LDLRAD3: variants seen among roughly 807,000 people sequenced by gnomAD.
The protein encoded by LDLRAD3 is low density lipoprotein receptor class A domain containing 3.
A neutral mutation model predicts 29.4 loss-of-function variants in LDLRAD3; 20 were observed. The observed-to-expected ratio is 0.68, with a 90% confidence interval of 0.48 to 0.99. The LOEUF (loss-of-function observed/expected upper bound fraction) is 0.99, where lower values mean the gene tolerates loss of function less well. LDLRAD3 is among the 50% of genes least tolerant of loss of function. The pLI, the probability that LDLRAD3 is intolerant of heterozygous loss-of-function variation, is 0.00. For synonymous variants in LDLRAD3, 157 were observed against 192.7 expected, an observed-to-expected ratio of 0.81 and a Z score of 1.53; for missense variants, 420 against 454.3, an observed-to-expected ratio of 0.92 and a Z score of 0.69.
intron 2 of LDLRAD3, among the ~76,000 whole-genome samples, chr11:36,064,250 A>G (rs1331898802): frequency 6.6e-6 from 1 of 152,152 alleles, no homozygotes; most frequent in Non-Finnish European, 1.5e-5. Flanking sequence ...ATTTTGGTGT[A>G]TCCACCTTGT....
Position 36,216,550 on chromosome 11 carries a change from A to G in LDLRAD3, c.455-10535A>G, listed in dbSNP as rs560530038. ...AAAATAACCCTAGGGGGTGGGTTCT[A>G]TTATCCCATTTTAAAGGTGAGGATT... On this transcript the variant is annotated intron_variant, in intron 4 of 5. Transcript: ENST00000315571. 5.3e-5 allele frequency among the ~76,000 whole-genome samples: 8 copies of G among 152,312 alleles called. No individual in the cohort carries two copies. The East Asian group carries it at 1.5e-3, about 29-fold the overall frequency.
intron 4 of LDLRAD3, among the ~76,000 whole-genome samples, chr11:36,183,718 A>G (rs4756293): frequency 0.28 from 42,553 of 152,064 alleles, 6,032 homozygotes; most frequent in East Asian, 0.34. Flanking sequence ...ATTCTGCACC[A>G]TAATTTGAAT....
chr11:36,122,102 G>A (rs1377424883), intron 4 of LDLRAD3, among the ~76,000 whole-genome samples: 1 of 152,132 alleles, frequency 6.6e-6, no homozygotes, highest in African/African-American at 2.4e-5. Flanking sequence ...TGACCTCAGA[G>A]CCCAAGCTCT....
chr11:36,208,297 CATCTATAA>C lies in LDLRAD3; in HGVS notation c.455-18786_455-18779del, dbSNP rs1465980636. ...TGTGACAAAATACCTGAGACTGAAT[CATCTATAA>C]AGAACAGAAATTTGTTTCACACAGT... is the stretch of plus-strand genomic sequence containing the variant. On this transcript the variant is annotated intron_variant, in intron 4 of 5. Coordinates refer to ENST00000315571, the MANE Select transcript of LDLRAD3 (RefSeq NM_174902.4). Among the ~76,000 whole-genome samples the C allele has an allele frequency of 2.0e-5, 3 of 152,244 alleles. No homozygotes were observed. The South Asian group carries it at 6.2e-4, about 32-fold the overall frequency.
intron 2 of LDLRAD3, among the ~76,000 whole-genome samples, chr11:36,056,144 C>T (rs905245668): frequency 7.2e-5 from 11 of 151,898 alleles, no homozygotes; most frequent in South Asian, 2.1e-4. Flanking sequence ...TACAGTCATG[C>T]GCCACTACGC....
intron 4 of LDLRAD3, among the ~76,000 whole-genome samples, chr11:36,214,391 CT>C (rs1855324677): frequency 6.6e-6 from 1 of 152,170 alleles, no homozygotes; most frequent in South Asian, 2.1e-4. Context: ...TGGCCCCACA[CT>C]TTTGGTCCTG....
chr11:36,032,014 C>A (rs150058382), intron 1 of LDLRAD3, among the ~76,000 whole-genome samples: 59 of 152,312 alleles, frequency 3.9e-4, no homozygotes, highest in African/African-American at 1.4e-3. Flanking sequence ...GAGTGGTCGT[C>A]TTTTCCCTGT....
At chr11:36,170,178 GT>G (rs1854573968) in intron 4 of LDLRAD3, among the ~76,000 whole-genome samples, 1 of 151,494 alleles carries the variant, frequency 6.6e-6, no homozygotes, top group African/African-American at 2.4e-5. Context: ...CTCCATCCAG[GT>G]TGTTGCATAT....
At chr11:35,995,662 G>C (rs1414977659) in intron 1 of LDLRAD3, among the ~76,000 whole-genome samples, 1 of 152,210 alleles carries the variant, frequency 6.6e-6, no homozygotes, top group Non-Finnish European at 1.5e-5. Flanking sequence ...CCAAAAGAAG[G>C]CTGTTCCATC....
chr11:36,087,891 G>A (rs60924517), intron 3 of LDLRAD3, among the ~76,000 whole-genome samples: 5,827 of 151,834 alleles, frequency 0.038, 344 homozygotes, highest in African/African-American at 0.13. Context: ...ATTTTTTGTC[G>A]TATTTTTAGT....
At chr11:36,002,061 G>A (rs564139239) in intron 1 of LDLRAD3, among the ~76,000 whole-genome samples, 8 of 152,240 alleles carry the variant, frequency 5.3e-5, no homozygotes, top group East Asian at 1.9e-4. Context: ...GGGGCTCCTC[G>A]TCTAGGGGGG....
chr11:36,086,919 AGTC>A (rs1422432191), intron 3 of LDLRAD3, among the ~76,000 whole-genome samples: 1 of 152,214 alleles, frequency 6.6e-6, no homozygotes, highest in Non-Finnish European at 1.5e-5. Context: ...ACAAAAAGAC[AGTC>A]GTCTGATGCA....
intron 1 of LDLRAD3, among the ~76,000 whole-genome samples, chr11:35,991,577 C>T (rs929821292): frequency 4.6e-5 from 7 of 152,118 alleles, no homozygotes; most frequent in Non-Finnish European, 1.0e-4. Context: ...TTGTCATGTT[C>T]CTTTTCTCCA....
At chr11:36,165,934 C>G (rs1247423464) in intron 4 of LDLRAD3, among the ~76,000 whole-genome samples, 1 of 145,174 alleles carries the variant, frequency 6.9e-6, no homozygotes. Flanking sequence ...TCTAGGCTGA[C>G]TGGCTTGCTT....
At chr11:36,210,167 T>C (rs1470325584) in intron 4 of LDLRAD3, among the ~76,000 whole-genome samples, 1 of 152,254 alleles carries the variant, frequency 6.6e-6, no homozygotes, top group Non-Finnish European at 1.5e-5. Flanking sequence ...CAGAATCTTC[T>C]GGCACCCTGG....
intron 2 of LDLRAD3, among the ~76,000 whole-genome samples, chr11:36,045,976 C>T (rs570816036): frequency 3.5e-4 from 53 of 152,160 alleles, no homozygotes; most frequent in African/African-American, 1.2e-3. Context: ...TCCCCCACCC[C>T]CAACAGGCCC....
chr11:36,108,006 T>C (rs1280697961), intron 4 of LDLRAD3, among the ~76,000 whole-genome samples: 1 of 152,050 alleles, frequency 6.6e-6, no homozygotes, highest in Admixed American at 6.6e-5. Context: ...TATGGCACAG[T>C]GTTGTTTTTA....
intron 2 of LDLRAD3, among the ~76,000 whole-genome samples, chr11:36,070,332 A>G (rs535154715): frequency 6.6e-6 from 1 of 152,370 alleles, no homozygotes; most frequent in African/African-American, 2.4e-5. Flanking sequence ...TGCTTGAACA[A>G]AAACCGTTTG....
intron 4 of LDLRAD3, among the ~76,000 whole-genome samples, chr11:36,189,248 G>A (rs1854902125): frequency 6.6e-6 from 1 of 152,166 alleles, no homozygotes; most frequent in South Asian, 2.1e-4. Context: ...CACTTTGGGA[G>A]GCTGAGGTGA....
Sources: gnomAD v4.1 joint callset for allele counts (sites outside exome capture counted in the v4.1 genomes callset) on GRCh38, gnomAD v4.1.1 for gene constraint, MANE v1.5 for transcripts, NCBI Gene and HGNC (gene_info 2026-07-23, HGNC 2026-07-21) for gene names.